The following RIPOR3 variants were observed in gnomAD, a reference collection of about 807,000 sequenced individuals.
The protein encoded by RIPOR3 is RIPOR family member 3.
RIPOR3 carries 95 observed loss-of-function variants against 114.3 expected under a neutral mutation model. That is an observed-to-expected ratio of 0.83 (90% CI 0.70 to 0.99). The LOEUF (loss-of-function observed/expected upper bound fraction) is 0.99, where lower values mean the gene tolerates loss of function less well. RIPOR3 is among the 50% of genes least tolerant of loss of function. RIPOR3 has a pLI of 0.00. For missense variants in RIPOR3, 1,252 were observed against 1,266.9 expected, an observed-to-expected ratio of 0.99 and a Z score of 0.18; for synonymous variants, 575 against 543.8, an observed-to-expected ratio of 1.06 and a Z score of -0.80.
intron 2 of RIPOR3, among the ~76,000 whole-genome samples, chr20:50,628,200 G>T (rs1363073533): frequency 6.6e-6 from 1 of 152,164 alleles, no homozygotes; most frequent in Non-Finnish European, 1.5e-5. Context: ...CCTTTCTCAG[G>T]CAGCACCCAC....
chr20:50,596,916 C>G (rs1289428388), intron 14 of RIPOR3: 1 of 154,760 alleles, frequency 6.5e-6, no homozygotes, highest in Non-Finnish European at 1.4e-5. Flanking sequence ...ACAGAGGGAA[C>G]AGCACTGGAT....
chr20:50,594,501 ACT>A, intron 17 of RIPOR3, 50 bp downstream of exon 17: 1 of 1,579,928 alleles, frequency 6.3e-7, no homozygotes, highest in Non-Finnish European at 8.6e-7. Context: ...GGCCCTGGAG[ACT>A]CAATACAGCC....
chr20:50,621,722 A>G (rs993307801), intron 2 of RIPOR3, among the ~76,000 whole-genome samples: 2 of 152,214 alleles, frequency 1.3e-5, no homozygotes, highest in African/African-American at 4.8e-5. Context: ...AATCTCCATG[A>G]CAGTGAGTTC....
At chr20:50,637,471 T>G (rs2085027897) in intron 1 of RIPOR3, among the ~76,000 whole-genome samples, 1 of 152,190 alleles carries the variant, frequency 6.6e-6, no homozygotes, top group South Asian at 2.1e-4. Context: ...ATCCTTCAAA[T>G]AACTCATGGT....
intron 20 of RIPOR3, 84 bp downstream of exon 20, chr20:50,589,602 G>T (rs755019012): frequency 2.1e-6 from 3 of 1,410,550 alleles, no homozygotes; most frequent in Admixed American, 3.9e-5. Context: ...AGCCCCAGTG[G>T]AATCATTTTG....
At chr20:50,609,066 G>T in intron 8 of RIPOR3, 111 bp from the exon 9 acceptor site, 2 of 1,444,166 alleles carry the variant, frequency 1.4e-6, no homozygotes, top group Non-Finnish European at 9.5e-7. Flanking sequence ...TCAGTGGGGT[G>T]AGGATGGGGG....
intron 1 of RIPOR3, among the ~76,000 whole-genome samples, chr20:50,675,586 C>A (rs1309150335): frequency 6.6e-6 from 1 of 152,206 alleles, no homozygotes; most frequent in Admixed American, 6.5e-5. Flanking sequence ...CCTCACCGAC[C>A]ACACTGTGCT....
chr20:50,680,088 G>A (rs904661126), intron 1 of RIPOR3, among the ~76,000 whole-genome samples: 3 of 152,214 alleles, frequency 2.0e-5, no homozygotes, highest in East Asian at 1.9e-4. Flanking sequence ...CCTGGAACCC[G>A]GGAAGGAAGA....
intron 1 of RIPOR3, among the ~76,000 whole-genome samples, chr20:50,648,532 G>A (rs988359784): frequency 1.3e-5 from 2 of 151,774 alleles, no homozygotes; most frequent in Admixed American, 1.3e-4. Flanking sequence ...GGGTTGGGTG[G>A]GTGGTTTTGG....
rs1304309065 is a variant in RIPOR3 at position 50,608,541 on chromosome 20, G to A, written c.811-7C>T. On this transcript the variant is annotated splice_polypyrimidine_tract_variant and splice_region_variant and intron_variant, in intron 10 of 21. Transcript: ENST00000327979. Reference sequence around the variant, plus strand: ...GGCCCCGCAACTCCGTCACCTGGGGGTGGGGGCTGGAGGGTGGTGTCTGAG... The same window carrying A: ...GGCCCCGCAACTCCGTCACCTGGGGATGGGGGCTGGAGGGTGGTGTCTGAG... 3.7e-6 allele frequency: 6 copies of A among 1,613,766 alleles called. No homozygotes were observed. Among genetic ancestry groups the A allele is most frequent in the Admixed American group, 1.7e-5 (1 of 60,014 alleles).
chr20:50,608,133 C>T (rs1343695651), intron 11 of RIPOR3, among the ~76,000 whole-genome samples: 1 of 152,188 alleles, frequency 6.6e-6, no homozygotes, highest in African/African-American at 2.4e-5. Context: ...AAGTGTCCCC[C>T]CAACCTTCCC....
chr20:50,649,590 C>G (rs569486544), intron 1 of RIPOR3, among the ~76,000 whole-genome samples: 2 of 152,156 alleles, frequency 1.3e-5, no homozygotes, highest in African/African-American at 4.8e-5. Context: ...GCCTGTCCCC[C>G]ACCCCCACCC....
At chr20:50,588,157 A>C (rs1038785710) in intron 20 of RIPOR3, among the ~76,000 whole-genome samples, 3 of 152,210 alleles carry the variant, frequency 2.0e-5, no homozygotes, top group Non-Finnish European at 4.4e-5. Flanking sequence ...GCCTGCTGAA[A>C]GGCTAGAATT....
At chr20:50,658,762 C>T (rs1193520555) in intron 1 of RIPOR3, among the ~76,000 whole-genome samples, 5 of 152,010 alleles carry the variant, frequency 3.3e-5, no homozygotes, top group Non-Finnish European at 7.4e-5. Context: ...TTATTATTAC[C>T]CTCCAGCCTT....
At chr20:50,669,180 C>T (rs2086373252) in intron 1 of RIPOR3, among the ~76,000 whole-genome samples, 1 of 152,166 alleles carries the variant, frequency 6.6e-6, no homozygotes, top group South Asian at 2.1e-4. Flanking sequence ...CATGCACATA[C>T]ACACTCCCCT....
intron 11 of RIPOR3, 126 bp downstream of exon 11, chr20:50,608,263 T>C (rs1173737250): frequency 4.5e-6 from 6 of 1,345,986 alleles, no homozygotes; most frequent in Non-Finnish European, 6.1e-6. Context: ...GAGGGACAGA[T>C]GAGGACCCGT....
intron 1 of RIPOR3, among the ~76,000 whole-genome samples, chr20:50,648,636 T>C (rs926450431): frequency 2.6e-5 from 4 of 152,056 alleles, no homozygotes; most frequent in Non-Finnish European, 5.9e-5. Flanking sequence ...CATTCCATAA[T>C]GTGGAATCAG....
intron 3 of RIPOR3, among the ~76,000 whole-genome samples, chr20:50,617,035 G>C (rs558766160): frequency 2.0e-5 from 3 of 152,248 alleles, no homozygotes; most frequent in East Asian, 1.9e-4. Flanking sequence ...CCAGCTACTC[G>C]GGAGGCTGAA....
At chr20:50,606,984 CCT>C (rs1465412676) in intron 11 of RIPOR3, among the ~76,000 whole-genome samples, 1 of 152,182 alleles carries the variant, frequency 6.6e-6, no homozygotes, top group African/African-American at 2.4e-5. Flanking sequence ...CCCACCTACG[CCT>C]CTCAAAGTGC....
Sources: allele counts gnomAD v4.1 joint callset (sites outside exome capture counted in the v4.1 genomes callset), GRCh38; gene constraint gnomAD v4.1.1; transcripts MANE v1.5; gene names NCBI Gene and HGNC (gene_info 2026-07-23, HGNC 2026-07-21).